Variants in DIP2C observed in about 807,000 individuals in gnomAD.
DIP2C encodes the protein DIP2 acetate--CoA ligase C (putative), also known as disco-interacting protein 2 homolog C.
In DIP2C, 33 loss-of-function variants were observed where a neutral mutation model predicts 192.4. That is an observed-to-expected ratio of 0.17 (90% confidence interval 0.13 to 0.23). The LOEUF (loss-of-function observed/expected upper bound fraction) is 0.23, where lower values mean the gene tolerates loss of function less well. DIP2C is among the 10% of genes least tolerant of loss of function. DIP2C has a pLI of 1.00. For synonymous variants in DIP2C, 979 were observed against 864.1 expected, an observed-to-expected ratio of 1.13 and a Z score of -2.33; for missense variants, 1,537 against 2,110.1, an observed-to-expected ratio of 0.73 and a Z score of 5.32.
At chr10:414,700 T>G (rs1965426754) in intron 7 of DIP2C, among the ~76,000 whole-genome samples, 1 of 102,330 alleles carries the variant, frequency 9.8e-6, no homozygotes, top group African/African-American at 4.1e-5. Flanking sequence ...TTTTAGAGTG[T>G]GTATGTATGT....
chr10:299,916 C>T (rs777379988), intron 32 of DIP2C, among the ~76,000 whole-genome samples: 9 of 152,122 alleles, frequency 5.9e-5, no homozygotes, highest in Non-Finnish European at 8.8e-5. Context: ...AGAAGATGTT[C>T]GACAAGACCA....
In DIP2C at chr10:428,505, G is replaced by T. The variant is rs188516321; in HGVS notation, c.395-5472C>A. On this transcript the variant is annotated intron_variant, in intron 4 of 36. Coordinates refer to ENST00000280886, the MANE Select transcript of DIP2C (RefSeq NM_014974.3). Reference sequence around the variant, plus strand: ...TTCTGGTCTCCATTGTATCTTCACAGAAGTCATGCATTGTTCAAATGCTTC... The same window carrying T: ...TTCTGGTCTCCATTGTATCTTCACATAAGTCATGCATTGTTCAAATGCTTC... Among the ~76,000 whole-genome samples, 15 of 152,270 alleles carry T rather than the reference G, an allele frequency of 9.9e-5. No homozygotes were observed. The East Asian group carries it at 2.9e-3, about 29-fold the overall frequency.
intron 1 of DIP2C, among the ~76,000 whole-genome samples, chr10:642,398 C>T (rs754248933): frequency 1.3e-5 from 2 of 152,226 alleles, no homozygotes; most frequent in Non-Finnish European, 2.9e-5. Flanking sequence ...GCCCTAAACA[C>T]GCCCATCTCA....
intron 30 of DIP2C, among the ~76,000 whole-genome samples, chr10:328,048 G>A (rs1484779737): frequency 6.6e-6 from 1 of 152,144 alleles, no homozygotes; most frequent in Non-Finnish European, 1.5e-5. Context: ...GCTGCTAAGG[G>A]GGCGGCCACC....
At chr10:543,382 A>G (rs1848112343) in intron 1 of DIP2C, among the ~76,000 whole-genome samples, 1 of 152,230 alleles carries the variant, frequency 6.6e-6, no homozygotes, top group African/African-American at 2.4e-5. Context: ...AGGGAGATCT[A>G]ACTCATCAGA....
At chr10:573,283 T>C (rs1849934278) in intron 1 of DIP2C, among the ~76,000 whole-genome samples, 1 of 152,102 alleles carries the variant, frequency 6.6e-6, no homozygotes, top group South Asian at 2.1e-4. Context: ...CAGCAATATA[T>C]TGCTACAATG....
At chr10:313,610 G>A (rs1459148275) in intron 31 of DIP2C, among the ~76,000 whole-genome samples, 1 of 152,242 alleles carries the variant, frequency 6.6e-6, no homozygotes, top group Non-Finnish European at 1.5e-5. Context: ...CGGAGGATGT[G>A]CATGGGTTCT....
chr10:664,697 C>T (rs543447100), intron 1 of DIP2C: 1 of 152,002 alleles, frequency 6.6e-6, no homozygotes, highest in East Asian at 1.9e-4. Flanking sequence ...TTACTTTTTA[C>T]ATTTTAAAAA....
chr10:528,887 T>C (rs1447184158), intron 1 of DIP2C, among the ~76,000 whole-genome samples: 1 of 152,132 alleles, frequency 6.6e-6, no homozygotes, highest in African/African-American at 2.4e-5. Context: ...ACTGTGGAAC[T>C]TCCTAGGTCC....
At chr10:277,624 T>TA (rs781404892) in intron 36 of DIP2C, 47 bp from the exon 37 acceptor site, 21 of 1,600,114 alleles carry the variant, frequency 1.3e-5, no homozygotes, top group Non-Finnish European at 1.7e-5. Flanking sequence ...ATTAATGCTT[T>TA]ATTTAATAGC....
rs1419537231 is a variant in DIP2C, at chr10:384,060, G to A, written c.1843C>T (p.Arg615Ter). ...GCGCCGTCCGCCACTATCAGCATTC[G>A]CAGAGAGGAGAGGTTGATGTCTCTC... ...DQRDINLSSL[R>*]MLIVADGANP... Residue 615 changes from arginine to a stop codon, truncating the protein, a stop_gained, in exon 16 of 37, where the codon CGA becomes TGA. Coordinates refer to ENST00000280886, the MANE Select transcript of DIP2C (RefSeq NM_014974.3). LOFTEE classifies it high-confidence loss of function. 6.2e-7 allele frequency: 1 copy of A among 1,608,626 alleles called. No homozygotes were observed. Among genetic ancestry groups the A allele is most frequent in the Non-Finnish European group, 8.5e-7 (1 of 1,178,676 alleles).
chr10:607,121 C>CAAGG lies in DIP2C; in HGVS notation c.85+82372_85+82373insCCTT, dbSNP rs1270689183. On this transcript the variant is annotated intron_variant, in intron 1 of 36. Coordinates refer to ENST00000280886, the MANE Select transcript of DIP2C (RefSeq NM_014974.3). ...CCCTGCTCACCTCGGTGGGGCTCTC[C>CAAGG]TGCCAAGGAGGATGGCCCTGAAGTC... Among the ~76,000 whole-genome samples, 26 of 152,360 alleles carry CAAGG rather than the reference C, an allele frequency of 1.7e-4. No individual in the cohort carries two copies. The East Asian group carries it at 4.8e-3, about 28-fold the overall frequency.
At chr10:654,370 G>C (rs1856146168) in intron 1 of DIP2C, among the ~76,000 whole-genome samples, 1 of 152,150 alleles carries the variant, frequency 6.6e-6, no homozygotes, top group African/African-American at 2.4e-5. Context: ...GGATGATCTG[G>C]CCATTCCAAA....
chr10:533,241 A>T lies in DIP2C; in HGVS notation c.86-46711T>A, dbSNP rs552917265. On this transcript the variant is annotated intron_variant, in intron 1 of 36. Coordinates refer to ENST00000280886, the MANE Select transcript of DIP2C (RefSeq NM_014974.3). ...GGAGAGAAAGAAAGAAGGGTGGAAA[A>T]CACATTGAAATTCCCGTGTTAGAAT... Among the ~76,000 whole-genome samples the T allele has an allele frequency of 6.6e-5, 10 of 152,224 alleles. No homozygotes were observed. The South Asian group carries it at 2.1e-3, about 32-fold the overall frequency.
chr10:332,524 G>T (rs977098630), intron 29 of DIP2C, among the ~76,000 whole-genome samples: 3 of 152,084 alleles, frequency 2.0e-5, no homozygotes, highest in African/African-American at 4.8e-5. Flanking sequence ...ATTAATTGCT[G>T]TATTAGCCAA....
rs150566828 is a variant in DIP2C, at chr10:521,177, T to C, written c.86-34647A>G. On this transcript the variant is annotated intron_variant, in intron 1 of 36. Coordinates refer to ENST00000280886, the MANE Select transcript of DIP2C (RefSeq NM_014974.3). ...ACTTTTACAGGTAAATCAATATCCATATGTGATTTTAAGCAGATCAAGCAT... is the reference window on the plus strand; with the variant it reads ...ACTTTTACAGGTAAATCAATATCCACATGTGATTTTAAGCAGATCAAGCAT... 5.0e-3 allele frequency among the ~76,000 whole-genome samples: 766 copies of C among 152,290 alleles called. 7 individuals carry two copies. The highest frequency in any genetic ancestry group is 0.017 in the African/African-American group (717 of 41,552).
At chr10:517,180 G>A (rs189209002) in intron 1 of DIP2C, among the ~76,000 whole-genome samples, 52 of 152,188 alleles carry the variant, frequency 3.4e-4, no homozygotes, top group African/African-American at 1.2e-3. Context: ...ATCCAGCCAA[G>A]CCCCTTCTCC....
chr10:620,527 T>C (rs1853790956), intron 1 of DIP2C, among the ~76,000 whole-genome samples: 1 of 152,102 alleles, frequency 6.6e-6, no homozygotes, highest in South Asian at 2.1e-4. Flanking sequence ...AAAAGTCCAT[T>C]TGGGTAAATT....
chr10:407,897 T>C (rs537260049), intron 9 of DIP2C, among the ~76,000 whole-genome samples: 3 of 152,354 alleles, frequency 2.0e-5, no homozygotes, highest in African/African-American at 7.2e-5. Flanking sequence ...CTCTTGATAG[T>C]ACTCTTTGAT....
Sources: gnomAD v4.1 joint callset for allele counts (sites outside exome capture counted in the v4.1 genomes callset) on GRCh38, gnomAD v4.1.1 for gene constraint, MANE v1.5 for transcripts, NCBI Gene and HGNC (gene_info 2026-07-23, HGNC 2026-07-21) for gene names.